Variants in AKT1 observed in about 807,000 individuals in gnomAD.
The protein encoded by AKT1 is RAC-alpha serine/threonine-protein kinase.
Under a neutral mutation model 63.1 loss-of-function variants are expected in AKT1, and 21 were observed. That is an observed-to-expected ratio of 0.33 (90% CI 0.24 to 0.48). The LOEUF (loss-of-function observed/expected upper bound fraction) is 0.48. AKT1 is among the 20% of genes least tolerant of loss of function. The probability of loss-of-function intolerance (pLI) is 0.99; values close to 1 mark genes in which losing one functional copy is unlikely to be tolerated. For synonymous variants in AKT1, 257 were observed against 253.1 expected (o/e 1.02, Z -0.15); for missense variants, 382 against 666.0 (o/e 0.57, Z 4.69).
chr14:104,788,181 G>A (rs1355141486), intron 3 of AKT1, among the ~76,000 whole-genome samples: 2 of 152,196 alleles, frequency 1.3e-5, no homozygotes, highest in African/African-American at 2.4e-5. Flanking sequence ...CCCAGGGCCC[G>A]CGGGTCTCAC....
At position 104,773,957 on chromosome 14, in the gene AKT1, G is replaced by T; in HGVS notation, c.657C>A (p.Thr219=). The T allele has an allele frequency of 6.2e-7, 1 of 1,612,550 alleles. No individual in the cohort carries two copies. Among genetic ancestry groups the T allele is most frequent in the Non-Finnish European group, 8.5e-7 (1 of 1,179,148 alleles). The change falls in exon 9 of 15, where the codon ACC becomes ACA. Residue 219 remains threonine, a synonymous_variant. Transcript: ENST00000649815. ...CCATGACAAAGCAGAGGCGGTCGTG[G>T]GTCTGGAAAGAGTACTTCAGGGCCT... ...FLTALKYSFQ[T]HDRLCFVMEY...
intron 4 of AKT1, chr14:104,777,814 G>C: frequency 1.4e-6 from 1 of 739,758 alleles, no homozygotes; most frequent in Non-Finnish European, 1.7e-6. Flanking sequence ...AGGCCTGGGG[G>C]CCAGGAGGGG....
chr14:104,793,067 C>T (rs916919621), intron 2 of AKT1, 60 bp downstream of exon 2: 1 of 286,356 alleles, frequency 3.5e-6, no homozygotes, highest in Non-Finnish European at 6.8e-6. Context: ...CCATTCCCAC[C>T]TCCCCCAGCC....
chr14:104,784,807 G>C (rs1308536041), intron 3 of AKT1, among the ~76,000 whole-genome samples: 2 of 152,158 alleles, frequency 1.3e-5, no homozygotes, highest in African/African-American at 4.8e-5. Context: ...ACGCGCCATG[G>C]GCAGGACTGG....
In AKT1 at chr14:104,770,400, CCA is replaced by C; in HGVS notation, c.1382_1383del (p.Val461GlyfsTer41). ...GGGAAGTGGGGCCTGCGCTCGCTGT[CCA>C]CACACTCCATGCTGTCATCTGTGGG... The part of the protein sequence containing the change: ...PPDQDDSMEC[V>X]DSERRPHFPQ... On this transcript the variant is annotated frameshift_variant, in exon 15 of 15. Transcript: ENST00000649815. LOFTEE classifies it high-confidence loss of function. 6.2e-7 allele frequency: 1 copy of C among 1,612,278 alleles called. No individual in the cohort carries two copies. The highest frequency in any genetic ancestry group is 1.1e-5 in the South Asian group (1 of 90,776).
intron 3 of AKT1, among the ~76,000 whole-genome samples, chr14:104,790,071 C>T (rs1241489758): frequency 1.3e-5 from 2 of 152,222 alleles, no homozygotes; most frequent in East Asian, 1.9e-4. Context: ...AGGGCATACC[C>T]GTCCCCTCTC....
chr14:104,774,755 C>T, intron 8 of AKT1, 183 bp downstream of exon 8: 4 of 679,524 alleles, frequency 5.9e-6, no homozygotes, highest in Non-Finnish European at 9.8e-6. Flanking sequence ...GAGCACAGCC[C>T]CTAGCCCACA....
chr14:104,793,930 A>T (rs1016784698), intron 1 of AKT1: 3 of 152,178 alleles, frequency 2.0e-5, no homozygotes, highest in African/African-American at 7.2e-5. Flanking sequence ...TGTGGAATGG[A>T]TCCCAACATG....
At position 104,773,323 on chromosome 14, in the gene AKT1, C is replaced by T. The variant is rs373838774; in HGVS notation, c.885G>A (p.Leu295=). The part of the protein sequence containing the change: ...DGHIKITDFG[L]CKEGIKDGAT... ...CACCGTCCTTGATCCCCTCCTTGCA[C>T]AGCCCGAAGTCTGTGATCTTAATGT... is the stretch of plus-strand genomic sequence containing the variant. The change falls in exon 11 of 15, where the codon CTG becomes CTA. Residue 295 remains leucine, a synonymous_variant. Coordinates refer to ENST00000649815, the MANE Select transcript of AKT1 (RefSeq NM_001382430.1). 6.2e-7 allele frequency: 1 copy of T among 1,614,108 alleles called. No individual in the cohort carries two copies. The highest frequency in any genetic ancestry group is 8.5e-7 in the Non-Finnish European group (1 of 1,180,028).
At chr14:104,785,717 C>G (rs1893295501) in intron 3 of AKT1, among the ~76,000 whole-genome samples, 1 of 152,194 alleles carries the variant, frequency 6.6e-6, no homozygotes, top group South Asian at 2.1e-4. Context: ...TTGACACAAA[C>G]TGCAAATTCT....
intron 3 of AKT1, 27 bp downstream of exon 3, chr14:104,792,571 G>A (rs1205042436): frequency 6.2e-7 from 1 of 1,611,682 alleles, no homozygotes; most frequent in Non-Finnish European, 8.5e-7. Context: ...TCCCTCCCCA[G>A]GCCCAGCCCT....
chr14:104,775,075 C>T lies in AKT1; in HGVS notation c.567+1G>A. ...ACCCTGCCCCACCGCCCCGGCCCCA[C>T]CTTGGCCACGATGACTTCCTTCTTG... On this transcript the variant is annotated splice_donor_variant, in intron 7 of 14. Transcript: ENST00000649815. LOFTEE classifies it high-confidence loss of function. The T allele has an allele frequency of 6.2e-7, 1 of 1,613,930 alleles. No homozygotes were observed. The highest frequency in any genetic ancestry group is 8.5e-7 in the Non-Finnish European group (1 of 1,180,008).
chr14:104,777,198 CCT>C lies in AKT1; in HGVS notation c.176-430_176-429del, dbSNP rs1892766806. The C allele has an allele frequency of 2.4e-5, 5 of 205,690 alleles. No individual in the cohort carries two copies. The South Asian group carries it at 2.8e-4, about 12-fold the overall frequency. The allele number at this position is 205,690 out of a possible 1,614,324, so 12.7% of individuals were successfully genotyped here. On this transcript the variant is annotated intron_variant, in intron 4 of 14. Coordinates refer to ENST00000649815, the MANE Select transcript of AKT1 (RefSeq NM_001382430.1). ...TGTCCTGCTTTTTTCCCAACCTCAC[CCT>C]GAGTACCTGGGAAATACAGCCACCT... is the stretch of plus-strand genomic sequence containing the variant.
At chr14:104,782,816 G>A (rs756353059) in intron 3 of AKT1, among the ~76,000 whole-genome samples, 3 of 152,116 alleles carry the variant, frequency 2.0e-5, no homozygotes, top group Non-Finnish European at 2.9e-5. Context: ...CCAGGGACCC[G>A]GGGTAAGGGG....
intron 3 of AKT1, among the ~76,000 whole-genome samples, chr14:104,789,570 T>C (rs973576501): frequency 8.5e-5 from 13 of 152,268 alleles, no homozygotes; most frequent in Admixed American, 2.0e-4. Flanking sequence ...TGGCCCAGGA[T>C]TGATTTTTTA....
In AKT1 at chr14:104,770,188, C is replaced by T; in HGVS notation, c.*153G>A. 1.3e-6 allele frequency: 1 copy of T among 796,364 alleles called. No homozygotes were observed. The highest frequency in any genetic ancestry group is 1.5e-5 in the South Asian group (1 of 65,610). 49.3% of individuals were successfully genotyped at this position (796,364 alleles called of 1,614,324 possible). A position where few individuals can be genotyped will look rare whatever the true frequency, so the allele number is the denominator to read the frequency against. ...CCCCGCTGCGGGGGAGGGTGCTGCC[C>T]ACAGCACAAAAACGTCTTTCCATCT... On this transcript the variant is annotated 3_prime_UTR_variant, in exon 15 of 15. Transcript: ENST00000649815.
At chr14:104,788,137 T>G (rs1893430462) in intron 3 of AKT1, among the ~76,000 whole-genome samples, 1 of 151,678 alleles carries the variant, frequency 6.6e-6, no homozygotes, top group Non-Finnish European at 1.5e-5. Context: ...CCCTCAACGC[T>G]CCCCCAGGGG....
chr14:104,778,841 C>T (rs1892870969), intron 4 of AKT1, among the ~76,000 whole-genome samples: 1 of 152,194 alleles, frequency 6.6e-6, no homozygotes, highest in South Asian at 2.1e-4. Context: ...GGGGCCGATG[C>T]AGCACATGGG....
intron 3 of AKT1, among the ~76,000 whole-genome samples, chr14:104,787,330 G>A (rs945467226): frequency 2.0e-5 from 3 of 152,090 alleles, no homozygotes; most frequent in South Asian, 2.1e-4. Context: ...CAACCTGCCC[G>A]GGGCCCCAGC....
Sources: gnomAD v4.1 joint callset for allele counts (sites outside exome capture counted in the v4.1 genomes callset) on GRCh38, gnomAD v4.1.1 for gene constraint, MANE v1.5 for transcripts, NCBI Gene and HGNC (gene_info 2026-07-23, HGNC 2026-07-21) for gene names.